UTRN: variants seen among roughly 807,000 people sequenced by gnomAD.
UTRN encodes the protein dystrophin-related protein 1.
Under a neutral mutation model 463.9 loss-of-function variants are expected in UTRN, and 283 were observed. That is an observed-to-expected ratio of 0.61 (90% CI 0.55 to 0.67). UTRN has a LOEUF of 0.67. Among genes scored for constraint, UTRN ranks in the 30% least tolerant of loss-of-function variants. The probability of loss-of-function intolerance (pLI) is 0.00; values close to 1 mark genes in which losing one functional copy is unlikely to be tolerated. For synonymous variants in UTRN, 1,442 were observed against 1,431.5 expected (o/e 1.01, Z -0.17); for missense variants, 3,922 against 4,084.3 (o/e 0.96, Z 1.08).
intron 33 of UTRN, among the ~76,000 whole-genome samples, chr6:144,497,778 G>A (rs1030393840): frequency 2.4e-4 from 36 of 152,078 alleles, no homozygotes; most frequent in Admixed American, 1.2e-3. Flanking sequence ...TGGAAATGTC[G>A]GGTACTCACA....
At chr6:144,359,662 T>A (rs572090380) in intron 2 of UTRN, among the ~76,000 whole-genome samples, 4 of 152,102 alleles carry the variant, frequency 2.6e-5, no homozygotes, top group Non-Finnish European at 5.9e-5. Flanking sequence ...TCTATTATAT[T>A]TTTTTTATTT....
intron 2 of UTRN, among the ~76,000 whole-genome samples, chr6:144,306,208 A>G (rs1805722961): frequency 6.6e-6 from 1 of 152,096 alleles, no homozygotes; most frequent in African/African-American, 2.4e-5. Flanking sequence ...TTCCTCTGAA[A>G]GCTTGTGAGC....
chr6:144,845,509 T>C (rs1469551566), intron 73 of UTRN, among the ~76,000 whole-genome samples: 5 of 152,212 alleles, frequency 3.3e-5, no homozygotes, highest in Non-Finnish European at 7.3e-5. Context: ...TTTAAAATAT[T>C]TTTGTGTGAT....
At chr6:144,304,231 C>T (rs1805520450) in intron 2 of UTRN, among the ~76,000 whole-genome samples, 1 of 151,974 alleles carries the variant, frequency 6.6e-6, no homozygotes, top group Admixed American at 6.6e-5. Context: ...TTCCCTTAAC[C>T]TTCAAGAAAA....
chr6:144,538,472 A>G (rs908911469), intron 44 of UTRN, among the ~76,000 whole-genome samples: 13 of 151,374 alleles, frequency 8.6e-5, no homozygotes, highest in Non-Finnish European at 1.8e-4. Context: ...GATCGAGACC[A>G]TCTGGCTAAC....
chr6:144,721,723 G>C (rs1463003882), intron 53 of UTRN, among the ~76,000 whole-genome samples: 1 of 152,178 alleles, frequency 6.6e-6, no homozygotes, highest in African/African-American at 2.4e-5. Flanking sequence ...TGGAATATTT[G>C]TGTATCCATA....
chr6:144,294,897 G>A (rs1250642101), intron 2 of UTRN, among the ~76,000 whole-genome samples: 1 of 152,150 alleles, frequency 6.6e-6, no homozygotes, highest in Non-Finnish European at 1.5e-5. Flanking sequence ...ACAAAGCCAT[G>A]TATTTATTTA....
chr6:144,825,032 C>A (rs188032153), intron 66 of UTRN, among the ~76,000 whole-genome samples: 1 of 152,098 alleles, frequency 6.6e-6, no homozygotes, highest in African/African-American at 2.4e-5. Flanking sequence ...GATCCTCCCG[C>A]CTCAGCCTCC....
intron 51 of UTRN, among the ~76,000 whole-genome samples, chr6:144,678,194 T>G (rs1219481651): frequency 6.6e-6 from 1 of 152,178 alleles, no homozygotes; most frequent in Non-Finnish European, 1.5e-5. Flanking sequence ...AGAGCCTGTA[T>G]AGCCAAGACA....
intron 53 of UTRN, among the ~76,000 whole-genome samples, chr6:144,720,659 A>G (rs891210642): frequency 7.9e-5 from 12 of 152,182 alleles, no homozygotes; most frequent in Non-Finnish European, 1.0e-4. Context: ...GAGAGACTAC[A>G]TTACCTTCAA....
intron 52 of UTRN, among the ~76,000 whole-genome samples, chr6:144,696,178 C>A (rs951419916): frequency 4.6e-5 from 7 of 152,070 alleles, no homozygotes; most frequent in African/African-American, 1.7e-4. Flanking sequence ...AGTTGCTTTT[C>A]CTAACCATAT....
intron 23 of UTRN, among the ~76,000 whole-genome samples, chr6:144,464,163 G>GTATGAAAATA (rs1456481075): frequency 6.6e-5 from 10 of 152,128 alleles, no homozygotes; most frequent in African/African-American, 2.4e-4. Context: ...TAATGAAAAT[G>GTATGAAAATA]TATGTTTTGA....
At chr6:144,517,410 C>A (rs569768042) in intron 39 of UTRN, among the ~76,000 whole-genome samples, 1 of 151,334 alleles carries the variant, frequency 6.6e-6, no homozygotes, top group Admixed American at 6.6e-5. Context: ...GTTGCCCAGG[C>A]TGATCTTGAA....
intron 2 of UTRN, among the ~76,000 whole-genome samples, chr6:144,313,261 C>G (rs749781246): frequency 6.6e-6 from 1 of 151,582 alleles, no homozygotes; most frequent in Non-Finnish European, 1.5e-5. Flanking sequence ...TGCTTAGCCA[C>G]GTGGACTCAT....
chr6:144,575,497 C>G (rs1801351456), intron 50 of UTRN, among the ~76,000 whole-genome samples: 1 of 152,250 alleles, frequency 6.6e-6, no homozygotes, highest in South Asian at 2.1e-4. Context: ...GTAGTCCCCC[C>G]TTATCTGTGG....
chr6:144,789,098 A>T, intron 61 of UTRN, 96 bp from the exon 62 acceptor site: 1 of 955,152 alleles, frequency 1.0e-6, no homozygotes, highest in Non-Finnish European at 1.6e-6. Flanking sequence ...ATTATTTTTG[A>T]TGGTTTACCC....
At chr6:144,584,326 T>A (rs889633213) in intron 51 of UTRN, among the ~76,000 whole-genome samples, 2 of 152,176 alleles carry the variant, frequency 1.3e-5, no homozygotes, top group Non-Finnish European at 2.9e-5. Context: ...ATGTTGATAC[T>A]ATGTCATTAC....
chr6:144,327,485 G>A (rs906926784), intron 2 of UTRN, among the ~76,000 whole-genome samples: 3 of 152,174 alleles, frequency 2.0e-5, no homozygotes, highest in African/African-American at 7.2e-5. Context: ...GCCCCTGGGT[G>A]TTGCCCACTG....
chr6:144,564,860 C>T lies in UTRN; in HGVS notation c.7289+7549C>T, dbSNP rs183792402. ...GTGTGGATACAAAACCTAATCATATCACATGGGAAGGAGTTTGGATATTAA... is the reference window on the plus strand; with the variant it reads ...GTGTGGATACAAAACCTAATCATATTACATGGGAAGGAGTTTGGATATTAA... On this transcript the variant is annotated intron_variant, in intron 50 of 74. Transcript: ENST00000367545. 2.6e-5 allele frequency among the ~76,000 whole-genome samples: 4 copies of T among 152,180 alleles called. No homozygotes were observed. The East Asian group carries it at 7.7e-4, about 29-fold the overall frequency.
Sources: allele counts gnomAD v4.1 joint callset (sites outside exome capture counted in the v4.1 genomes callset), GRCh38; gene constraint gnomAD v4.1.1; transcripts MANE v1.5; gene names NCBI Gene and HGNC (gene_info 2026-07-23, HGNC 2026-07-21).